Variants in ARFGAP2 observed in about 807,000 individuals in gnomAD.
The protein encoded by ARFGAP2 is ARF GTPase activating protein 2, also known as ADP-ribosylation factor GTPase-activating protein 2.
Under a neutral mutation model 71.9 loss-of-function variants are expected in ARFGAP2, and 45 were observed. The ratio of observed to expected loss-of-function variants is 0.63; its 90% CI spans 0.49 to 0.80. The LOEUF (loss-of-function observed/expected upper bound fraction) is 0.80. Ranked by LOEUF, ARFGAP2 falls within the 30% of genes least tolerant of loss-of-function variation. The pLI is 0.00. For synonymous variants in ARFGAP2, 248 were observed against 249.2 expected (o/e 1.00, Z 0.05); for missense variants, 633 against 673.9 (o/e 0.94, Z 0.67).
chr11:47,165,392 C>T lies in ARFGAP2; in HGVS notation c.*90G>A, dbSNP rs1952306662. On this transcript the variant is annotated 3_prime_UTR_variant, in exon 16 of 16. Transcript: ENST00000524782. The stretch of plus-strand genomic sequence containing the variant: ...ACACATACGAAGTAACAAATCCTCC[C>T]CAGCTTCCACAAGGCAAAGCATCCC... The T allele has an allele frequency of 4.7e-6, 7 of 1,491,244 alleles. No homozygotes were observed. The South Asian group carries it at 6.6e-5, about 14-fold the overall frequency. 92.4% of individuals were successfully genotyped at this position (1,491,244 alleles called of 1,614,324 possible).
rs76269501 is a variant in ARFGAP2 at position 47,166,323 on chromosome 11, T to C, written c.1490A>G (p.Lys497Arg). ...ADIAQFKQGV[K>R]SVAGKMAVLA... ...CACAGCCATTTTCCCAGCCACAGAC[T>C]TGACACCCTGCTTAAACTGGGCAAT... The change falls in exon 15 of 16, where the codon AAG (lysine) becomes AGG (arginine). Residue 497 changes from lysine to arginine, a missense_variant. Physicochemically the swap from Lys to Arg is conservative, Grantham distance 26 (BLOSUM62 2). Coordinates refer to ENST00000524782, the MANE Select transcript of ARFGAP2 (RefSeq NM_032389.6). The C allele has an allele frequency of 3.1e-6, 5 of 1,614,240 alleles. No individual in the cohort carries two copies. The Admixed American group carries it at 6.7e-5, about 22-fold the overall frequency.
chr11:47,174,030 C>T (rs899275897), intron 5 of ARFGAP2, 190 bp from the exon 6 acceptor site: 51 of 1,067,204 alleles, frequency 4.8e-5, no homozygotes, highest in Non-Finnish European at 6.7e-5. Context: ...CAGCCCCCAC[C>T]CCAACCCCTT....
chr11:47,173,584 C>T, intron 6 of ARFGAP2, 102 bp from the exon 7 acceptor site: 1 of 1,429,488 alleles, frequency 7.0e-7, no homozygotes, highest in Non-Finnish European at 9.4e-7. Context: ...CCTCAGCTTG[C>T]CACCAAAAGA....
In ARFGAP2 at chr11:47,166,346, A is replaced by G. The variant is rs757054295; in HGVS notation, c.1467T>C (p.Ile489=). 6.2e-7 allele frequency: 1 copy of G among 1,614,226 alleles called. No individual in the cohort carries two copies. The highest frequency in any genetic ancestry group is 1.7e-5 in the Admixed American group (1 of 60,034). The part of the protein sequence containing the change: ...SLGNVLPTAD[I]AQFKQGVKSV... ...ACTTGACACCCTGCTTAAACTGGGCAATGTCCGCTGTAGGCAGCACGTTCC... is the reference window on the plus strand; with the variant it reads ...ACTTGACACCCTGCTTAAACTGGGCGATGTCCGCTGTAGGCAGCACGTTCC... Residue 489 remains isoleucine (I), a synonymous_variant, in exon 15 of 16, where the codon ATT becomes ATC. Transcript: ENST00000524782.
At chr11:47,166,194 A>G (rs1443196522) in intron 15 of ARFGAP2, 74 bp downstream of exon 15, 3 of 1,453,156 alleles carry the variant, frequency 2.1e-6, no homozygotes, top group Non-Finnish European at 2.9e-6. Context: ...GGGGCTGAGC[A>G]GTAGCAGTGT....
In ARFGAP2 at chr11:47,165,482, T is replaced by C; in HGVS notation, c.1566A>G (p.Ter522TrpextTer11). ...GTAAGCCTGAGTCACAGAGCTCGGA[T>C]CAGTAGGAACCGTAGCGATCCTGGG... Reference protein sequence around the residue: ...NSLQDRYGSY* With the variant: ...NSLQDRYGSYW The change falls in exon 16 of 16, where the codon TGA (stop) becomes TGG (tryptophan). Residue 522 changes from the stop codon to tryptophan, a stop_lost. Coordinates refer to ENST00000524782, the MANE Select transcript of ARFGAP2 (RefSeq NM_032389.6). The C allele has an allele frequency of 6.4e-7, 1 of 1,566,754 alleles. No individual in the cohort carries two copies. Among genetic ancestry groups the C allele is most frequent in the Non-Finnish European group, 8.6e-7 (1 of 1,156,526 alleles).
intron 2 of ARFGAP2, 110 bp downstream of exon 2, chr11:47,176,406 G>T: frequency 9.1e-7 from 1 of 1,093,684 alleles, no homozygotes; most frequent in Non-Finnish European, 1.4e-6. Flanking sequence ...TCGGCCCAGA[G>T]GCTTCCCACC....
intron 15 of ARFGAP2, among the ~76,000 whole-genome samples, chr11:47,165,880 T>A (rs570211140): frequency 9.9e-5 from 15 of 151,240 alleles, no homozygotes; most frequent in African/African-American, 3.1e-4. Context: ...CGTTTGTGGT[T>A]TTTTTTTTGA....
chr11:47,170,043 C>T (rs1040142149), intron 10 of ARFGAP2, among the ~76,000 whole-genome samples: 5 of 151,796 alleles, frequency 3.3e-5, no homozygotes, highest in Admixed American at 2.6e-4. Flanking sequence ...GTAATCCAAG[C>T]ACTGGGCGCC....
At position 47,168,177 on chromosome 11, in the gene ARFGAP2, C is replaced by T. The variant is rs34662994; in HGVS notation, c.1016G>A (p.Arg339His). Reference protein sequence around the residue: ...QETPVSAKSSRSQLDLFDDVG... With the variant: ...QETPVSAKSSHSQLDLFDDVG... ...ATCGTCAAACAAGTCCAGCTGCGAG[C>T]GAGAGGATTTTGCACTCACTGGGGT... is the stretch of plus-strand genomic sequence containing the variant. The change falls in exon 11 of 16, where the codon CGC (arginine) becomes CAC (histidine). Residue 339 changes from arginine to histidine, a missense_variant. By Grantham distance (29) the Arg-to-His change is conservative. Coordinates refer to ENST00000524782, the MANE Select transcript of ARFGAP2 (RefSeq NM_032389.6). 2,039 of 1,614,238 alleles carry T rather than the reference C, an allele frequency of 1.3e-3. 20 individuals carry two copies. In the African/African-American group the frequency reaches 0.023, roughly 18 times the overall value.
chr11:47,175,109 G>C lies in ARFGAP2; in HGVS notation c.397-11C>G. ...GTTGTCTATCCAAAGCTAGAAAGGA[G>C]AAGACACCCCTAAAACACAGGGCTC... On this transcript the variant is annotated splice_polypyrimidine_tract_variant and intron_variant, in intron 4 of 15. Transcript: ENST00000524782. 1 of 1,614,186 alleles carries C rather than the reference G, an allele frequency of 6.2e-7. No individual in the cohort carries two copies.
chr11:47,173,834 C>G lies in ARFGAP2; in HGVS notation c.487G>C (p.Ala163Pro). 6.3e-7 allele frequency: 1 copy of G among 1,598,362 alleles called. No homozygotes were observed. Among genetic ancestry groups the G allele is most frequent in the Admixed American group, 1.7e-5 (1 of 57,916 alleles). The change falls in exon 6 of 16, where the codon GCC becomes CCC. Residue 163 changes from alanine (A) to proline (P), a missense_variant. By Grantham distance (27) the Ala-to-Pro change is conservative (BLOSUM62 -1). Coordinates refer to ENST00000524782, the MANE Select transcript of ARFGAP2 (RefSeq NM_032389.6). The part of the protein sequence containing the change: ...DFFTEHTQPP[A>P]WDAPATEPSG... Reference sequence around the variant, plus strand: ...GGCTCAGTGGCTGGCGCATCCCAGGCAGGGGGCTGAAAAGGAGGCCAGATC... The same window carrying G: ...GGCTCAGTGGCTGGCGCATCCCAGGGAGGGGGCTGAAAAGGAGGCCAGATC...
chr11:47,172,809 C>G, intron 7 of ARFGAP2: 2 of 1,280,278 alleles, frequency 1.6e-6, no homozygotes, highest in Non-Finnish European at 2.0e-6. Context: ...CTCCACAGAG[C>G]TCCCAAGCCC....
In ARFGAP2 at chr11:47,165,251, C is replaced by G. The variant is rs561036664; in HGVS notation, c.*231G>C. On this transcript the variant is annotated 3_prime_UTR_variant, in exon 16 of 16. Coordinates refer to ENST00000524782, the MANE Select transcript of ARFGAP2 (RefSeq NM_032389.6). Reference sequence around the variant, plus strand: ...GACAGAAGGACAAGAGTCTAACACACGGAGGGTGGTGTGAGAGGGAATAAA... The same window carrying G: ...GACAGAAGGACAAGAGTCTAACACAGGGAGGGTGGTGTGAGAGGGAATAAA... The G allele has an allele frequency of 2.4e-6, 1 of 419,692 alleles. No homozygotes were observed. The highest frequency in any genetic ancestry group is 2.0e-5 in the African/African-American group (1 of 48,954). The allele number at this position is 419,692 out of a possible 1,614,324, so 26.0% of individuals were successfully genotyped here. A position where few individuals can be genotyped will look rare whatever the true frequency, so the allele number is the denominator to read the frequency against.
In ARFGAP2 at chr11:47,176,510, G is replaced by A. The variant is rs568596407; in HGVS notation, c.191+6C>T. The A allele has an allele frequency of 6.5e-5, 105 of 1,612,576 alleles. No homozygotes were observed. In the East Asian group the frequency reaches 2.3e-3, roughly 35 times the overall value. On this transcript the variant is annotated splice_donor_region_variant and intron_variant, in intron 2 of 15. Transcript: ENST00000524782. ...TGGAAACACGGCAACCGCGCGGAGA[G>A]CCTACCTGATGAAGCTCAGATGGAC... is the stretch of plus-strand genomic sequence containing the variant.
intron 6 of ARFGAP2, 73 bp downstream of exon 6, chr11:47,173,686 C>G: frequency 6.6e-7 from 1 of 1,522,180 alleles, no homozygotes; most frequent in Non-Finnish European, 8.9e-7. Flanking sequence ...TTGTCATGGC[C>G]AGATGTCCCC....
At chr11:47,166,712 A>G (rs772867844) in intron 13 of ARFGAP2, 48 bp downstream of exon 13, 25 of 1,603,782 alleles carry the variant, frequency 1.6e-5, no homozygotes, top group East Asian at 2.2e-5. Context: ...GAGAAAGCTC[A>G]TGCTTCTGCC....
In ARFGAP2 at chr11:47,166,521, C is replaced by T; in HGVS notation, c.1411G>A (p.Gly471Arg). 1 of 1,612,818 alleles carries T rather than the reference C, an allele frequency of 6.2e-7. No individual in the cohort carries two copies. The highest frequency in any genetic ancestry group is 1.1e-5 in the South Asian group (1 of 91,088). ...AGGGCCCTACCTGCTCCGTGAGCTCCATCCATGTCCCCAAAGAGGTCTGAA... is the reference window on the plus strand; with the variant it reads ...AGGGCCCTACCTGCTCCGTGAGCTCTATCCATGTCCCCAAAGAGGTCTGAA... ...SSSDLFGDMD[G>R]AHGAGSVSLG... The change falls in exon 14 of 16, where the codon GGA (glycine) becomes AGA (arginine). Residue 471 changes from glycine to arginine, a missense_variant. Physicochemically the swap from Gly to Arg is moderately radical, Grantham distance 125. Coordinates refer to ENST00000524782, the MANE Select transcript of ARFGAP2 (RefSeq NM_032389.6).
chr11:47,166,196 T>C, intron 15 of ARFGAP2, 72 bp downstream of exon 15: 2 of 1,472,036 alleles, frequency 1.4e-6, no homozygotes, highest in Non-Finnish European at 1.9e-6. Context: ...GGCTGAGCAG[T>C]AGCAGTGTCT....
Sources: gnomAD v4.1 joint callset for allele counts (sites outside exome capture counted in the v4.1 genomes callset) on GRCh38, gnomAD v4.1.1 for gene constraint, MANE v1.5 for transcripts, NCBI Gene and HGNC (gene_info 2026-07-23, HGNC 2026-07-21) for gene names.